SCN2A: variants seen among roughly 807,000 people sequenced by gnomAD.
SCN2A encodes sodium voltage-gated channel alpha subunit 2, also known as sodium channel protein type 2 subunit alpha.
In SCN2A, 20 loss-of-function variants were observed where a neutral mutation model predicts 188.7. That is an observed-to-expected ratio of 0.11 (90% CI 0.07 to 0.15). SCN2A has a LOEUF of 0.15. Among genes scored for constraint, SCN2A ranks in the 10% least tolerant of loss-of-function variants. The probability of loss-of-function intolerance (pLI) is 1.00; values close to 1 mark genes in which losing one functional copy is unlikely to be tolerated. For missense variants in SCN2A, 1,278 were observed against 2,445.0 expected (o/e 0.52, Z 10.07); for synonymous variants, 804 against 833.1 (o/e 0.97, Z 0.60).
At chr2:165,340,867 A>T (rs1424140970) in intron 14 of SCN2A, among the ~76,000 whole-genome samples, 1 of 152,182 alleles carries the variant, frequency 6.6e-6, no homozygotes, top group Non-Finnish European at 1.5e-5. Flanking sequence ...TTGTTTAAAA[A>T]ATTTCGTTTG....
In SCN2A at chr2:165,327,243, A is replaced by T. The variant is rs184462649; in HGVS notation, c.2149+259A>T. The T allele has an allele frequency of 2.1e-3, 897 of 436,250 alleles. 2 individuals are homozygous for T. The highest frequency in any genetic ancestry group is 3.0e-3 in the Non-Finnish European group (705 of 235,962). The allele number at this position is 436,250 out of a possible 1,614,324, so 27.0% of individuals were successfully genotyped here. A position where few individuals can be genotyped will look rare whatever the true frequency, so the allele number is the denominator to read the frequency against. Reference sequence around the variant, plus strand: ...CACTTTCATACATTAAATTCTAAACATTGAAACTTGTGTGCATGACGTTGA... The same window carrying T: ...CACTTTCATACATTAAATTCTAAACTTTGAAACTTGTGTGCATGACGTTGA... On this transcript the variant is annotated intron_variant, in intron 13 of 26. Transcript: ENST00000375437.
intron 14 of SCN2A, among the ~76,000 whole-genome samples, chr2:165,335,880 GATT>G (rs1236825393): frequency 6.6e-6 from 1 of 151,764 alleles, no homozygotes; most frequent in Non-Finnish European, 1.5e-5. Flanking sequence ...ATATGTAAAG[GATT>G]ATTATAACTC....
intron 1 of SCN2A, among the ~76,000 whole-genome samples, chr2:165,278,577 A>C (rs1695447200): frequency 6.6e-6 from 1 of 152,154 alleles, no homozygotes; most frequent in South Asian, 2.1e-4. Context: ...ATTACCATTT[A>C]AGATGAGATT....
intron 19 of SCN2A, among the ~76,000 whole-genome samples, chr2:165,368,228 G>T (rs1700831307): frequency 1.3e-5 from 2 of 152,100 alleles, no homozygotes; most frequent in Admixed American, 1.3e-4. Flanking sequence ...ATGCTGTCAA[G>T]CTGTCCCTCT....
chr2:165,277,293 G>T (rs1695391733), intron 1 of SCN2A, among the ~76,000 whole-genome samples: 1 of 152,028 alleles, frequency 6.6e-6, no homozygotes. Flanking sequence ...TTTGAACATT[G>T]TTACTTATAA....
chr2:165,269,560 A>T (rs1695015124), intron 1 of SCN2A: 1 of 152,032 alleles, frequency 6.6e-6, no homozygotes, highest in Non-Finnish European at 1.5e-5. Flanking sequence ...AATTAATGAA[A>T]TATACACGTA....
intron 16 of SCN2A, among the ~76,000 whole-genome samples, chr2:165,352,715 T>C (rs1415139206): frequency 6.6e-6 from 1 of 152,162 alleles, no homozygotes; most frequent in African/African-American, 2.4e-5. Flanking sequence ...AAATATTGTA[T>C]AATATTACCT....
At chr2:165,286,031 G>C (rs1695813562) in intron 1 of SCN2A, 1 of 188,084 alleles carries the variant, frequency 5.3e-6, no homozygotes, top group Non-Finnish European at 1.2e-5. Flanking sequence ...CCCACAGGAG[G>C]AACAAGAAGA....
rs761599392 is a variant in SCN2A at position 165,344,751 on chromosome 2, T to A, written c.2759T>A (p.Leu920His). The A allele has an allele frequency of 6.2e-7, 1 of 1,614,024 alleles. No individual in the cohort carries two copies. Among genetic ancestry groups the A allele is most frequent in the African/African-American group, 1.3e-5 (1 of 74,914 alleles). Residue 920 changes from leucine (L) to histidine (H), a missense_variant, in exon 16 of 27, where the codon CTC (leucine) becomes CAC (histidine). Around this residue, in one of 17 missense-constraint regions of SCN2A, gnomAD observed 83 missense variants for 256.8 expected, o/e 0.32. Coordinates refer to ENST00000375437, the MANE Select transcript of SCN2A (RefSeq NM_001040142.2). ...CVCKISNDCE[L>H]PRWHMHDFFH... Reference sequence around the variant, plus strand: ...TGCAAGATTTCCAATGATTGTGAACTCCCACGCTGGCACATGCATGACTTT... The same window carrying A: ...TGCAAGATTTCCAATGATTGTGAACACCCACGCTGGCACATGCATGACTTT...
chr2:165,370,157 A>G lies in SCN2A; in HGVS notation c.3707A>G (p.Lys1236Arg), dbSNP rs2105365136. 1 of 1,614,122 alleles carries G rather than the reference A, an allele frequency of 6.2e-7. No individual in the cohort carries two copies. The highest frequency in any genetic ancestry group is 8.5e-7 in the Non-Finnish European group (1 of 1,179,994). ...GAAGATATATACATTGAGCAGCGAA[A>G]AACCATTAAGACCATGTTAGAATAT... The part of the protein sequence containing the change: ...AFEDIYIEQR[K>R]TIKTMLEYAD... The change falls in exon 20 of 27, where the codon AAA becomes AGA. Residue 1236 changes from lysine (K) to arginine (R), a missense_variant. This residue lies in a region of SCN2A where 228 missense variants were observed against 297.3 expected (regional missense o/e 0.77). Transcript: ENST00000375437.
chr2:165,250,256 A>G (rs892314196), intron 1 of SCN2A, among the ~76,000 whole-genome samples: 15 of 152,064 alleles, frequency 9.9e-5, no homozygotes, highest in Admixed American at 8.5e-4. Flanking sequence ...TCAAGGTACT[A>G]TTGGAATTTC....
At chr2:165,360,739 G>T (rs932480754) in intron 17 of SCN2A, among the ~76,000 whole-genome samples, 1 of 151,858 alleles carries the variant, frequency 6.6e-6, no homozygotes, top group African/African-American at 2.4e-5. Flanking sequence ...ATAAGTACAG[G>T]TAATTAAAAA....
intron 1 of SCN2A, among the ~76,000 whole-genome samples, chr2:165,248,427 A>C (rs544241829): frequency 6.6e-6 from 1 of 152,054 alleles, no homozygotes; most frequent in South Asian, 2.1e-4. Flanking sequence ...CTGCCTAGAA[A>C]CCTTTTGCCT....
At chr2:165,284,155 A>T (rs1695721199) in intron 1 of SCN2A, among the ~76,000 whole-genome samples, 1 of 151,250 alleles carries the variant, frequency 6.6e-6, no homozygotes, top group Non-Finnish European at 1.5e-5. Flanking sequence ...GCATTGTTTT[A>T]TTATTATTTA....
chr2:165,292,692 C>G (rs533327595), intron 1 of SCN2A, among the ~76,000 whole-genome samples: 16 of 152,038 alleles, frequency 1.1e-4, no homozygotes, highest in African/African-American at 3.6e-4. Context: ...TAATTGATAC[C>G]GGTGCCTGTT....
At chr2:165,306,602 T>C (rs917377985) in intron 3 of SCN2A, among the ~76,000 whole-genome samples, 4 of 151,890 alleles carry the variant, frequency 2.6e-5, no homozygotes, top group Non-Finnish European at 5.9e-5. Flanking sequence ...CATTTACTTA[T>C]GAGTGTTTTC....
rs1303947244 is a variant in SCN2A at position 165,248,956 on chromosome 2, G to C, written c.-52+9316G>C. On this transcript the variant is annotated intron_variant, in intron 1 of 26. Transcript: ENST00000375437. ...TGCAATCTGCCTGATTTTTCATTCAGTATTTACACCAATAGAAATAAAATG... is the reference window on the plus strand; with the variant it reads ...TGCAATCTGCCTGATTTTTCATTCACTATTTACACCAATAGAAATAAAATG... Among the ~76,000 whole-genome samples, 4 of 152,124 alleles carry C rather than the reference G, an allele frequency of 2.6e-5. No homozygotes were observed. In the East Asian group the frequency reaches 7.7e-4, roughly 29 times the overall value.
At chr2:165,307,497 G>A (rs917864136) in intron 3 of SCN2A, among the ~76,000 whole-genome samples, 1 of 152,022 alleles carries the variant, frequency 6.6e-6, no homozygotes, top group South Asian at 2.1e-4. Flanking sequence ...ATTTTTGCCA[G>A]GGTTTACATA....
At chr2:165,327,317 TG>T (rs1438661556) in intron 13 of SCN2A, 1 of 301,184 alleles carries the variant, frequency 3.3e-6, no homozygotes, top group Non-Finnish European at 6.4e-6. Context: ...CTAAGCCATT[TG>T]GATTATATTA....
Sources: gnomAD v4.1 joint callset for allele counts (sites outside exome capture counted in the v4.1 genomes callset) on GRCh38, gnomAD v4.1.1 for gene constraint, gnomAD v4.1.1 regional missense constraint, MANE v1.5 for transcripts, NCBI Gene and HGNC (gene_info 2026-07-23, HGNC 2026-07-21) for gene names.